The following FABP12 variants were observed in gnomAD, a reference collection of about 807,000 sequenced individuals.
FABP12 encodes the protein fatty acid binding protein 12, also known as fatty acid-binding protein 12.
In FABP12, 19 loss-of-function variants were observed where a neutral mutation model predicts 13.7. The observed-to-expected ratio is 1.39, with a 90% CI of 0.97 to 2.04. The LOEUF (loss-of-function observed/expected upper bound fraction) is 2.04. Among genes scored for constraint, FABP12 ranks in the 30% most tolerant of loss-of-function variants. The probability of loss-of-function intolerance (pLI) is 0.00; values close to 1 mark genes in which losing one functional copy is unlikely to be tolerated. For missense variants in FABP12, 182 were observed against 164.2 expected (o/e 1.11, Z -0.59); for synonymous variants, 61 against 57.0 (o/e 1.07, Z -0.32).
intron 1 of FABP12, among the ~76,000 whole-genome samples, chr8:81,560,944 T>C (rs778980987): frequency 1.3e-5 from 2 of 152,186 alleles, no homozygotes; most frequent in Non-Finnish European, 2.9e-5. Context: ...TACTGTGGCC[T>C]GAGGAGCCAC....
At chr8:81,582,619 G>A (rs1810182896) in intron 1 of FABP12, among the ~76,000 whole-genome samples, 1 of 152,022 alleles carries the variant, frequency 6.6e-6, no homozygotes, top group South Asian at 2.1e-4. Context: ...AGAAGGTCAT[G>A]ATATAATGAT....
chr8:81,562,822 G>A (rs988233971), intron 1 of FABP12, among the ~76,000 whole-genome samples: 1 of 152,210 alleles, frequency 6.6e-6, no homozygotes, highest in African/African-American at 2.4e-5. Flanking sequence ...GGCATCTCTG[G>A]ACCTGCACAG....
intron 1 of FABP12, among the ~76,000 whole-genome samples, chr8:81,544,390 T>C (rs943213650): frequency 2.0e-5 from 3 of 152,348 alleles, no homozygotes; most frequent in Admixed American, 2.0e-4. Context: ...GTTCCCCTGC[T>C]TGTGGCTGGA....
At chr8:81,564,758 CAG>C (rs1809786175) in intron 1 of FABP12, among the ~76,000 whole-genome samples, 1 of 151,704 alleles carries the variant, frequency 6.6e-6, no homozygotes, top group African/African-American at 2.4e-5. Flanking sequence ...AAAAGGAAGA[CAG>C]AAAGAAAAGG....
chr8:81,577,638 G>A (rs907809511), intron 1 of FABP12, among the ~76,000 whole-genome samples: 6 of 152,118 alleles, frequency 3.9e-5, no homozygotes, highest in Admixed American at 1.3e-4. Context: ...GCACAGGCCC[G>A]TAATTTCAGC....
intron 1 of FABP12, among the ~76,000 whole-genome samples, chr8:81,543,389 T>C (rs1215685611): frequency 6.6e-6 from 1 of 152,214 alleles, no homozygotes. Context: ...TTAATGATTA[T>C]GGCTCTACTG....
At chr8:81,559,524 A>G (rs1430933262) in intron 1 of FABP12, among the ~76,000 whole-genome samples, 1 of 152,186 alleles carries the variant, frequency 6.6e-6, no homozygotes, top group African/African-American at 2.4e-5. Context: ...CAGTGATGTG[A>G]TGGAAATGAG....
At chr8:81,560,133 G>C (rs1809697507) in intron 1 of FABP12, among the ~76,000 whole-genome samples, 1 of 152,172 alleles carries the variant, frequency 6.6e-6, no homozygotes, top group Non-Finnish European at 1.5e-5. Context: ...ACATATGGCT[G>C]CTGCAATGGT....
intron 1 of FABP12, among the ~76,000 whole-genome samples, chr8:81,570,892 GC>G (rs1314642086): frequency 6.6e-6 from 1 of 152,084 alleles, no homozygotes; most frequent in Non-Finnish European, 1.5e-5. Context: ...TGGAAGCCCA[GC>G]CCCCAGCCTT....
At position 81,531,643 on chromosome 8, in the gene FABP12, G is replaced by C. The variant is rs948451673; in HGVS notation, c.-75-253C>G. Among the ~76,000 whole-genome samples the C allele has an allele frequency of 1.4e-4, 21 of 152,190 alleles. 1 individual carries two copies. The highest frequency in any genetic ancestry group is 1.4e-3 in the Admixed American group (21 of 15,268). On this transcript the variant is annotated intron_variant, in intron 1 of 4. Coordinates refer to ENST00000360464, the Ensembl canonical transcript of FABP12. The stretch of plus-strand genomic sequence containing the variant: ...CCTAGGACCTGCCAGGCACAAAGCA[G>C]TGTGTAAGAGCTGGGCCTGGACAGC...
intron 1 of FABP12, among the ~76,000 whole-genome samples, chr8:81,573,083 T>A (rs1051216589): frequency 9.2e-5 from 14 of 152,228 alleles, no homozygotes; most frequent in Admixed American, 6.5e-4. Flanking sequence ...TAGCTTCAGG[T>A]CTTAGATTTA....
At chr8:81,533,675 G>A (rs1809147141) in intron 1 of FABP12, among the ~76,000 whole-genome samples, 127 bp downstream of exon 1, 2 of 152,198 alleles carry the variant, frequency 1.3e-5, no homozygotes, top group South Asian at 2.1e-4. Context: ...ACATGCTCAG[G>A]TTTTTTCTCC....
At chr8:81,562,763 G>A (rs1241240130) in intron 1 of FABP12, among the ~76,000 whole-genome samples, 4 of 152,080 alleles carry the variant, frequency 2.6e-5, no homozygotes, top group Non-Finnish European at 5.9e-5. Flanking sequence ...TAGAATAGAG[G>A]ACCACATAGA....
intron 3 of FABP12, among the ~76,000 whole-genome samples, chr8:81,527,642 A>G (rs902012207): frequency 2.0e-5 from 3 of 152,200 alleles, no homozygotes; most frequent in East Asian, 1.9e-4. Flanking sequence ...GATTACAGGC[A>G]TGAGCCACCA....
intron 1 of FABP12, among the ~76,000 whole-genome samples, chr8:81,590,007 C>T (rs1221923433): frequency 6.6e-6 from 1 of 152,164 alleles, no homozygotes; most frequent in Non-Finnish European, 1.5e-5. Flanking sequence ...TAAAATTGTT[C>T]TAATTGTGAT....
chr8:81,548,961 C>G (rs1458979890), intron 1 of FABP12, among the ~76,000 whole-genome samples: 1 of 152,276 alleles, frequency 6.6e-6, no homozygotes, highest in Middle Eastern at 3.4e-3. Context: ...AACACTTAAA[C>G]AGACAGACGT....
At chr8:81,525,193 G>A in intron 4 of FABP12, 73 bp from the exon 5 acceptor site, 1 of 979,232 alleles carries the variant, frequency 1.0e-6, no homozygotes. Context: ...TGCAAACTAA[G>A]TACTATCCAC....
chr8:81,567,593 T>A (rs1215690155), intron 1 of FABP12, among the ~76,000 whole-genome samples: 2 of 152,180 alleles, frequency 1.3e-5, no homozygotes, highest in Admixed American at 1.3e-4. Context: ...CTGGAGAAAC[T>A]GGATATCCAT....
intron 1 of FABP12, among the ~76,000 whole-genome samples, chr8:81,542,552 T>C (rs1029554678): frequency 6.6e-6 from 1 of 152,110 alleles, no homozygotes; most frequent in African/African-American, 2.4e-5. Context: ...ATTCCACATC[T>C]CTCTGAGTCA....
Sources: gnomAD v4.1 joint callset for allele counts (sites outside exome capture counted in the v4.1 genomes callset) on GRCh38, gnomAD v4.1.1 for gene constraint, MANE v1.5 for transcripts, NCBI Gene and HGNC (gene_info 2026-07-23, HGNC 2026-07-21) for gene names.